The following PTCH1 variants were observed in gnomAD, a reference collection of about 807,000 sequenced individuals.
PTCH1 encodes protein patched homolog 1.
PTCH1 carries 14 observed loss-of-function variants against 144.6 expected under a neutral mutation model. That is an observed-to-expected ratio of 0.10 (90% CI 0.06 to 0.15). The LOEUF (loss-of-function observed/expected upper bound fraction) is 0.15, where lower values mean the gene tolerates loss of function less well. Among genes scored for constraint, PTCH1 ranks in the 10% least tolerant of loss-of-function variants. The pLI is 1.00. For synonymous variants in PTCH1, 833 were observed against 793.6 expected (o/e 1.05, Z -0.83); for missense variants, 1,623 against 1,948.3 (o/e 0.83, Z 3.14).
chr9:95,506,344 ATC>A (rs1329802200), intron 2 of PTCH1, 61 bp downstream of exon 2: 2 of 1,549,812 alleles, frequency 1.3e-6, no homozygotes, highest in African/African-American at 1.4e-5. Flanking sequence ...GCTGGCGAAT[ATC>A]TCTATCAACC....
intron 15 of PTCH1, among the ~76,000 whole-genome samples, chr9:95,464,640 A>G (rs913055389): frequency 6.6e-6 from 1 of 152,200 alleles, no homozygotes; most frequent in African/African-American, 2.4e-5. Context: ...TGTATGTTTT[A>G]AGATGTGACA....
intron 1 of PTCH1, chr9:95,507,631 C>T (rs1843797061): frequency 4.0e-6 from 1 of 251,924 alleles, no homozygotes; most frequent in Non-Finnish European, 6.3e-6. Context: ...CTCAACAAAA[C>T]CAAAACTGGC....
At chr9:95,462,999 C>T (rs571637432) in intron 15 of PTCH1, among the ~76,000 whole-genome samples, 2 of 149,416 alleles carry the variant, frequency 1.3e-5, no homozygotes, top group Non-Finnish European at 3.0e-5. Flanking sequence ...CCCCTCCCCC[C>T]ACCCACCCTT....
chr9:95,513,743 C>T (rs1469736171), upstream of PTCH1, among the ~76,000 whole-genome samples: 1 of 152,116 alleles, frequency 6.6e-6, no homozygotes, highest in African/African-American at 2.4e-5. Context: ...GGAGATTCAG[C>T]AGCTACAAAA....
At chr9:95,485,004 G>A (rs549056739) in intron 3 of PTCH1, among the ~76,000 whole-genome samples, 53 of 152,188 alleles carry the variant, frequency 3.5e-4, no homozygotes, top group Middle Eastern at 3.4e-3. Context: ...TCAGGAGTTC[G>A]AGACTAGCCT....
At chr9:95,497,779 T>C (rs1371989701) in intron 2 of PTCH1, among the ~76,000 whole-genome samples, 2 of 152,314 alleles carry the variant, frequency 1.3e-5, no homozygotes, top group Admixed American at 6.5e-5. Flanking sequence ...TTCAAGTTGC[T>C]ATTCTTTGCC....
chr9:95,503,680 A>G (rs963745935), intron 2 of PTCH1, among the ~76,000 whole-genome samples: 1 of 152,202 alleles, frequency 6.6e-6, no homozygotes, highest in Non-Finnish European at 1.5e-5. Context: ...GTAAAATGGG[A>G]CAATCCTCAT....
chr9:95,510,190 TAA>T (rs1461448747), upstream of PTCH1, among the ~76,000 whole-genome samples: 5 of 152,114 alleles, frequency 3.3e-5, no homozygotes, highest in African/African-American at 7.2e-5. Flanking sequence ...CTTGAGAGAG[TAA>T]AGTTTTCCTG....
At chr9:95,448,597 T>A (rs892153274) in intron 22 of PTCH1, among the ~76,000 whole-genome samples, 4 of 151,992 alleles carry the variant, frequency 2.6e-5, no homozygotes, top group Admixed American at 2.6e-4. Context: ...ATTTAGACAA[T>A]AATAATGAAT....
intron 15 of PTCH1, among the ~76,000 whole-genome samples, chr9:95,466,205 G>A (rs1048535641): frequency 1.3e-5 from 2 of 152,064 alleles, no homozygotes; most frequent in South Asian, 2.1e-4. Flanking sequence ...CCACCAGCAC[G>A]CCCAGCTAAT....
At chr9:95,485,525 C>T (rs749868235) in intron 3 of PTCH1, among the ~76,000 whole-genome samples, 160 bp downstream of exon 3, 1 of 152,142 alleles carries the variant, frequency 6.6e-6, no homozygotes, top group Non-Finnish European at 1.5e-5. Context: ...AACGATAAAT[C>T]AAGATGAAAA....
chr9:95,510,488 A>G (rs1181945568), upstream of PTCH1, among the ~76,000 whole-genome samples: 1 of 152,210 alleles, frequency 6.6e-6, no homozygotes, highest in Non-Finnish European at 1.5e-5. Context: ...ACACGTCTAC[A>G]CAACTAGGCT....
In PTCH1 at chr9:95,481,465, G is replaced by C. The variant is rs144188833; in HGVS notation, c.746+484C>G. ...GCTAAACGGTGAAACATTCCCTACT[G>C]TGGCCTTCACAGATAGTGGATTTCC... On this transcript the variant is annotated intron_variant, in intron 5 of 23. Coordinates refer to ENST00000331920, the MANE Select transcript of PTCH1 (RefSeq NM_000264.5). 9.2e-5 allele frequency among the ~76,000 whole-genome samples: 14 copies of C among 152,298 alleles called. No individual in the cohort carries two copies. The East Asian group carries it at 1.5e-3, about 17-fold the overall frequency.
At chr9:95,502,300 G>A (rs866446762) in intron 2 of PTCH1, among the ~76,000 whole-genome samples, 2 of 152,206 alleles carry the variant, frequency 1.3e-5, no homozygotes, top group South Asian at 2.1e-4. Context: ...ACACCAGTCC[G>A]TGTACCTGCT....
At chr9:95,482,413 A>C (rs1305504767) in intron 3 of PTCH1, 1 of 592,676 alleles carries the variant, frequency 1.7e-6, no homozygotes, top group Non-Finnish European at 3.0e-6. Flanking sequence ...TAGGGTGTTT[A>C]TGTAAATGAA....
At chr9:95,502,486 G>A (rs1843213493) in intron 2 of PTCH1, among the ~76,000 whole-genome samples, 1 of 152,214 alleles carries the variant, frequency 6.6e-6, no homozygotes, top group Non-Finnish European at 1.5e-5. Flanking sequence ...CCATGGTCAT[G>A]TGTTTCTGCA....
At chr9:95,498,137 A>G (rs977095138) in intron 2 of PTCH1, among the ~76,000 whole-genome samples, 5 of 152,114 alleles carry the variant, frequency 3.3e-5, no homozygotes, top group Non-Finnish European at 7.4e-5. Flanking sequence ...ACTTTTATAC[A>G]TGTCTCATTA....
chr9:95,499,086 T>C (rs1486743571), intron 2 of PTCH1, among the ~76,000 whole-genome samples: 5 of 152,174 alleles, frequency 3.3e-5, no homozygotes, highest in Non-Finnish European at 7.3e-5. Context: ...GTTCTTCCAC[T>C]GTCCATGCGC....
At chr9:95,481,802 C>T (rs1228897732) in intron 5 of PTCH1, 147 bp downstream of exon 5, 13 of 778,878 alleles carry the variant, frequency 1.7e-5, no homozygotes, top group African/African-American at 5.2e-5. Flanking sequence ...CCCTCTCCCC[C>T]GACTATTCAC....
Sources: gnomAD v4.1 joint callset for allele counts (sites outside exome capture counted in the v4.1 genomes callset) on GRCh38, gnomAD v4.1.1 for gene constraint, MANE v1.5 for transcripts, NCBI Gene and HGNC (gene_info 2026-07-23, HGNC 2026-07-21) for gene names.